CLUAP1: variants seen among roughly 807,000 people sequenced by gnomAD.
CLUAP1 encodes the protein clusterin-associated protein 1.
CLUAP1 carries 50 observed loss-of-function variants against 55.0 expected under a neutral mutation model. The observed-to-expected ratio is 0.91, with a 90% confidence interval of 0.72 to 1.15. The LOEUF is 1.15. CLUAP1 is among the 50% of genes most tolerant of loss of function. The probability of loss-of-function intolerance (pLI) is 0.00; values close to 1 mark genes in which losing one functional copy is unlikely to be tolerated. For synonymous variants in CLUAP1, 195 were observed against 175.4 expected (o/e 1.11, Z -0.88); for missense variants, 530 against 507.6 (o/e 1.04, Z -0.42).
rs201028819 is a variant in CLUAP1 at position 3,523,131 on chromosome 16, C to T, written c.714-27C>T. 9.2e-5 allele frequency: 147 copies of T among 1,589,876 alleles called. No individual in the cohort carries two copies. In the African/African-American group the frequency reaches 1.8e-3, roughly 20 times the overall value. Reference sequence around the variant, plus strand: ...AAACTACTGCATATAATTCACCTTTCCTTTTTATTTCATTTGCTTCTTTTA... The same window carrying T: ...AAACTACTGCATATAATTCACCTTTTCTTTTTATTTCATTTGCTTCTTTTA... On this transcript the variant is annotated intron_variant, in intron 7 of 11. Transcript: ENST00000576634.
intron 4 of CLUAP1, 110 bp downstream of exon 4, chr16:3,508,578 G>T (rs2037555725): frequency 2.0e-6 from 2 of 992,630 alleles, no homozygotes; most frequent in South Asian, 2.1e-5. Context: ...TCAGCTGAGG[G>T]CAGTTTGTCA....
At chr16:3,532,086 G>A (rs971842137) in intron 10 of CLUAP1, among the ~76,000 whole-genome samples, 7 of 151,940 alleles carry the variant, frequency 4.6e-5, no homozygotes, top group Non-Finnish European at 4.4e-5. Flanking sequence ...TGATCCACCC[G>A]CCTCGGCCTC....
At position 3,504,851 on chromosome 16, in the gene CLUAP1, G is replaced by A. The variant is rs374723722; in HGVS notation, c.134+20G>A. 7.6e-7 allele frequency: 1 copy of A among 1,315,456 alleles called. No homozygotes were observed. Among genetic ancestry groups the A allele is most frequent in the African/African-American group, 1.5e-5 (1 of 68,702 alleles). 81.5% of individuals were successfully genotyped at this position (1,315,456 alleles called of 1,614,324 possible). ...GAAAAGGTTCGAACGGCACTTTATTGACATCTAAGAGTGAATACTGGGTTT... is the reference window on the plus strand; with the variant it reads ...GAAAAGGTTCGAACGGCACTTTATTAACATCTAAGAGTGAATACTGGGTTT... On this transcript the variant is annotated intron_variant, in intron 2 of 11. Coordinates refer to ENST00000576634, the MANE Select transcript of CLUAP1 (RefSeq NM_015041.3).
At chr16:3,527,333 A>G (rs144865859) in intron 9 of CLUAP1, among the ~76,000 whole-genome samples, 3 of 152,238 alleles carry the variant, frequency 2.0e-5, no homozygotes, top group Non-Finnish European at 2.9e-5. Flanking sequence ...CCATACAGAT[A>G]TAGGAGCTGA....
At chr16:3,527,831 C>T (rs566023586) in intron 9 of CLUAP1, among the ~76,000 whole-genome samples, 3 of 152,274 alleles carry the variant, frequency 2.0e-5, no homozygotes, top group African/African-American at 7.2e-5. Flanking sequence ...AGCTGCCAGG[C>T]AGGGAAGGGC....
At chr16:3,527,439 C>G (rs1360347550) in intron 9 of CLUAP1, among the ~76,000 whole-genome samples, 2 of 152,084 alleles carry the variant, frequency 1.3e-5, no homozygotes, top group East Asian at 1.9e-4. Flanking sequence ...AGTGGGAACA[C>G]CAGCGTCTGG....
upstream of CLUAP1, among the ~76,000 whole-genome samples, chr16:3,497,253 T>G (rs1046973221): frequency 5.9e-5 from 9 of 151,268 alleles, no homozygotes; most frequent in Non-Finnish European, 1.3e-4. Flanking sequence ...TTTTCAGAGC[T>G]AATGAAGTTC....
chr16:3,532,852 C>A lies in CLUAP1; in HGVS notation c.1092+11C>A. 6.2e-7 allele frequency: 1 copy of A among 1,613,884 alleles called. No individual in the cohort carries two copies. Among genetic ancestry groups the A allele is most frequent in the Non-Finnish European group, 8.5e-7 (1 of 1,179,810 alleles). ...GACTCCGATGACAATGTAAGTCCCC[C>A]GCTCCCCTCAGTGGTTCTGTGCACT... On this transcript the variant is annotated intron_variant, in intron 11 of 11. Transcript: ENST00000576634.
At chr16:3,525,764 C>G (rs1247412282) in intron 8 of CLUAP1, among the ~76,000 whole-genome samples, 1 of 152,066 alleles carries the variant, frequency 6.6e-6, no homozygotes, top group Non-Finnish European at 1.5e-5. Flanking sequence ...ATGAGGTTTC[C>G]CTATGTTGCC....
In CLUAP1 at chr16:3,529,714, AATATTAT is replaced by A. The variant is rs1342007881; in HGVS notation, c.929-842_929-836del. Among the ~76,000 whole-genome samples, 20 of 35,828 alleles carry A rather than the reference AATATTAT, an allele frequency of 5.6e-4. 2 individuals carry two copies. Among genetic ancestry groups the A allele is most frequent in the African/African-American group, 2.8e-3 (19 of 6,726 alleles). 23.5% of individuals were successfully genotyped at this position (35,828 alleles called of 152,430 possible). A position where few individuals can be genotyped will look rare whatever the true frequency, so the allele number is the denominator to read the frequency against. On this transcript the variant is annotated intron_variant, in intron 9 of 11. Transcript: ENST00000576634. ...ATATATTATATATTATATATTATAT[AATATTAT>A]ATATTATATATATTATTATATATTA...
At chr16:3,528,413 T>G (rs1178570708) in intron 9 of CLUAP1, among the ~76,000 whole-genome samples, 13 of 152,140 alleles carry the variant, frequency 8.5e-5, no homozygotes, top group Admixed American at 1.3e-4. Context: ...CAGGAAACTT[T>G]GGAGGAAGGA....
At chr16:3,533,294 G>A (rs896321445) in intron 11 of CLUAP1, 4 of 697,244 alleles carry the variant, frequency 5.7e-6, no homozygotes, top group Middle Eastern at 3.6e-4. Flanking sequence ...TGGTGACAGC[G>A]GGATCACTGA....
intron 9 of CLUAP1, among the ~76,000 whole-genome samples, chr16:3,529,568 T>C (rs1409087180): frequency 4.5e-5 from 2 of 44,790 alleles, no homozygotes; most frequent in Non-Finnish European, 7.3e-5. Context: ...TTATTATATA[T>C]TATATATTAT....
At chr16:3,495,490 A>G in the CLUAP1 span, 10 of 1,575,278 alleles carry the variant, frequency 6.3e-6, no homozygotes, top group Admixed American at 1.8e-4. Flanking sequence ...TCCCCTGCCT[A>G]GGGGGTACAT....
chr16:3,503,880 C>G (rs755922849), intron 1 of CLUAP1, among the ~76,000 whole-genome samples: 1 of 152,216 alleles, frequency 6.6e-6, no homozygotes, highest in African/African-American at 2.4e-5. Flanking sequence ...ACCTGACTTG[C>G]AGTACCTAGG....
chr16:3,509,595 G>A (rs1596386488), intron 4 of CLUAP1, among the ~76,000 whole-genome samples: 1 of 152,266 alleles, frequency 6.6e-6, no homozygotes, highest in African/African-American at 2.4e-5. Context: ...CAGAAATAAA[G>A]GTTAAGCCGT....
chr16:3,512,957 G>A (rs571411682), intron 5 of CLUAP1, among the ~76,000 whole-genome samples: 11 of 152,308 alleles, frequency 7.2e-5, no homozygotes, highest in Non-Finnish European at 1.3e-4. Flanking sequence ...TGGGATTACC[G>A]GTGTGAGCCA....
At chr16:3,533,177 A>G (rs779659533) in intron 11 of CLUAP1, 1 of 1,533,102 alleles carries the variant, frequency 6.5e-7, no homozygotes, top group South Asian at 1.2e-5. Flanking sequence ...GTTCTGCCTC[A>G]TGTGTTTGTG....
Position 3,537,155 on chromosome 16 carries a change from CAG to C in CLUAP1, c.*885_*886del, listed in dbSNP as rs2151075063. 2.0e-5 allele frequency: 3 copies of C among 152,276 alleles called. No individual in the cohort carries two copies. In the East Asian group the frequency reaches 5.8e-4, roughly 29 times the overall value. 9.4% of individuals were successfully genotyped at this position (152,276 alleles called of 1,614,324 possible). A position where few individuals can be genotyped will look rare whatever the true frequency, so the allele number is the denominator to read the frequency against. On this transcript the variant is annotated 3_prime_UTR_variant, in exon 12 of 12. Coordinates refer to ENST00000576634, the MANE Select transcript of CLUAP1 (RefSeq NM_015041.3). ...GTGTGGCAAGACATAGTGCACAACA[CAG>C]GGACAAAGGCAGGTTTCCTGCAGCT...
Sources: gnomAD v4.1 joint callset for allele counts (sites outside exome capture counted in the v4.1 genomes callset) on GRCh38, gnomAD v4.1.1 for gene constraint, MANE v1.5 for transcripts, NCBI Gene and HGNC (gene_info 2026-07-23, HGNC 2026-07-21) for gene names.